Variants in CXorf58 observed in about 807,000 individuals in gnomAD.
CXorf58 encodes uncharacterized protein CXorf58.
In CXorf58, 24 loss-of-function variants were observed where a neutral mutation model predicts 26.0. That is an observed-to-expected ratio of 0.92 (90% CI 0.67 to 1.30). The LOEUF (loss-of-function observed/expected upper bound fraction) is 1.30. CXorf58 is among the 50% of genes most tolerant of loss of function. CXorf58 has a pLI of 0.00. For synonymous variants in CXorf58, 87 were observed against 86.1 expected, an observed-to-expected ratio of 1.01 and a Z score of -0.06; for missense variants, 236 against 263.9, an observed-to-expected ratio of 0.89 and a Z score of 0.73.
intron 5 of CXorf58, among the ~76,000 whole-genome samples, chrX:23,917,456 T>G (rs1243008872): frequency 1.8e-5 from 2 of 110,797 alleles, no homozygotes; most frequent in African/African-American, 6.5e-5. Context: ...TTGCTCTTGT[T>G]GCCCAGGCTG....
chrX:23,915,580 C>T, intron 3 of CXorf58, 120 bp from the exon 4 acceptor site: 1 of 426,895 alleles, frequency 2.3e-6, no homozygotes, highest in Middle Eastern at 3.7e-4. Context: ...CAAAAACCCA[C>T]CCCTTCAGAA....
At chrX:23,937,347 A>T (rs189457764) in intron 7 of CXorf58, among the ~76,000 whole-genome samples, 265 of 111,648 alleles carry the variant, frequency 2.4e-3, no homozygotes, top group African/African-American at 7.8e-3. Flanking sequence ...AGGGTTGCTT[A>T]GGAAGGGACA....
rs1190390203 is a variant in CXorf58 at position 23,938,287 on chromosome X, A to G, written c.786-260A>G. ...TAGGAAAGCTAATTTTAAATTGATA[A>G]CAGGTTTTATAATTTTTATCATCTT... On this transcript the variant is annotated intron_variant, in intron 7 of 8. Transcript: ENST00000379211. Among the ~76,000 whole-genome samples, 3 of 111,690 alleles carry G rather than the reference A, an allele frequency of 2.7e-5. No individual in the cohort carries two copies. In the East Asian group the frequency reaches 8.4e-4, roughly 31 times the overall value.
chrX:23,921,998 A>G (rs1237289268), intron 5 of CXorf58, among the ~76,000 whole-genome samples: 1 of 111,137 alleles, frequency 9.0e-6, no homozygotes, highest in Non-Finnish European at 1.9e-5. Context: ...TCTATCAAAT[A>G]TGATCTTAAA....
At chrX:23,923,312 TA>T (rs1927915869) in intron 5 of CXorf58, among the ~76,000 whole-genome samples, 1 of 110,435 alleles carries the variant, frequency 9.1e-6, no homozygotes, top group South Asian at 3.8e-4. Context: ...ACTGCACACA[TA>T]AGGAAACTGG....
chrX:23,920,629 T>C (rs975223660), intron 5 of CXorf58, among the ~76,000 whole-genome samples: 8 of 111,749 alleles, frequency 7.2e-5, no homozygotes, highest in African/African-American at 2.6e-4. Context: ...CGGTGGCTCA[T>C]GCCTGTAATC....
At chrX:23,919,357 A>G (rs1601961050) in intron 5 of CXorf58, among the ~76,000 whole-genome samples, 1 of 110,955 alleles carries the variant, frequency 9.0e-6, no homozygotes. Context: ...CTGTTAGGAG[A>G]CTCTGATGCA....
chrX:23,910,446 A>G (rs761953508), intron 2 of CXorf58, 28 bp downstream of exon 2: 8 of 818,788 alleles, frequency 9.8e-6, no homozygotes, highest in Non-Finnish European at 1.3e-5. Context: ...GCCTTGTGTT[A>G]TCTTCCACAA....
intron 4 of CXorf58, 58 bp from the exon 5 acceptor site, chrX:23,916,159 A>G: frequency 2.9e-6 from 2 of 692,872 alleles, no homozygotes; most frequent in Non-Finnish European, 2.2e-6. Flanking sequence ...TATAAGGGGG[A>G]AAAGCAACTG....
chrX:23,919,166 A>C (rs1927802320), intron 5 of CXorf58, among the ~76,000 whole-genome samples: 1 of 111,510 alleles, frequency 9.0e-6, no homozygotes. Context: ...TTCTACCCTG[A>C]TCTATCTCTC....
At chrX:23,920,364 T>C (rs1404940936) in intron 5 of CXorf58, among the ~76,000 whole-genome samples, 1 of 112,305 alleles carries the variant, frequency 8.9e-6, no homozygotes, top group Non-Finnish European at 1.9e-5. Context: ...TCAAAGGTTA[T>C]TTTTCTGTAA....
chrX:23,916,956 A>G (rs1927743449), intron 5 of CXorf58, among the ~76,000 whole-genome samples: 1 of 110,241 alleles, frequency 9.1e-6, no homozygotes, highest in East Asian at 2.8e-4. Context: ...ATTTAATGCC[A>G]TTTTATTTGT....
chrX:23,920,890 CAAA>C (rs59587627), intron 5 of CXorf58, among the ~76,000 whole-genome samples: 2 of 53,877 alleles, frequency 3.7e-5, no homozygotes, highest in Non-Finnish European at 3.7e-5. Context: ...AAACTCCGTC[CAAA>C]AAAAAAAAAA....
chrX:23,915,850 T>A, intron 4 of CXorf58, 56 bp downstream of exon 4: 1 of 661,675 alleles, frequency 1.5e-6, no homozygotes, highest in Non-Finnish European at 2.3e-6. Context: ...TGAGGAAATC[T>A]TAGATATGGA....
chrX:23,916,038 A>C (rs1195783854), intron 4 of CXorf58, among the ~76,000 whole-genome samples, 179 bp from the exon 5 acceptor site: 2 of 111,653 alleles, frequency 1.8e-5, no homozygotes, highest in Non-Finnish European at 3.8e-5. Flanking sequence ...AGTTGTGAGT[A>C]CACCAAAGTG....
At chrX:23,922,925 G>A (rs1198328143) in intron 5 of CXorf58, among the ~76,000 whole-genome samples, 2 of 112,159 alleles carry the variant, frequency 1.8e-5, no homozygotes, top group African/African-American at 6.5e-5. Flanking sequence ...TGGCCACAGA[G>A]ATGCTGAGTA....
At chrX:23,919,345 C>G (rs1325116513) in intron 5 of CXorf58, among the ~76,000 whole-genome samples, 1 of 111,785 alleles carries the variant, frequency 8.9e-6, no homozygotes, top group Non-Finnish European at 1.9e-5. Flanking sequence ...TGATCAGTTC[C>G]TCTGTTAGGA....
intron 5 of CXorf58, among the ~76,000 whole-genome samples, chrX:23,922,269 G>C (rs974939492): frequency 9.0e-6 from 1 of 110,640 alleles, no homozygotes; most frequent in Non-Finnish European, 1.9e-5. Context: ...AGCTACTCGG[G>C]AGGCTAAGGC....
Position 23,912,034 on chromosome X carries a change from C to T in CXorf58, c.216+178C>T, listed in dbSNP as rs775637992. On this transcript the variant is annotated intron_variant, in intron 3 of 8. Coordinates refer to ENST00000379211, the MANE Select transcript of CXorf58 (RefSeq NM_152761.3). ...TGGCACAATCTTGGCTCACTGCAAC[C>T]TCTGCCTCCCAGGTTCAAGCGATTC... Among the ~76,000 whole-genome samples the T allele has an allele frequency of 7.4e-5, 8 of 108,733 alleles. No individual in the cohort carries two copies. In the East Asian group the frequency reaches 2.0e-3, roughly 28 times the overall value. 94.4% of individuals were successfully genotyped at this position (108,733 alleles called of 115,157 possible).
Sources: gnomAD v4.1 joint callset for allele counts (sites outside exome capture counted in the v4.1 genomes callset) on GRCh38, gnomAD v4.1.1 for gene constraint, MANE v1.5 for transcripts, NCBI Gene and HGNC (gene_info 2026-07-23, HGNC 2026-07-21) for gene names.